The following PCDH7 variants were observed in gnomAD, a reference collection of about 807,000 sequenced individuals.
PCDH7 encodes protocadherin-7.
PCDH7 carries 17 observed loss-of-function variants against 58.9 expected under a neutral mutation model. The ratio of observed to expected loss-of-function variants is 0.29; its 90% CI spans 0.20 to 0.43. The LOEUF (loss-of-function observed/expected upper bound fraction) is 0.43. Among genes scored for constraint, PCDH7 ranks in the 20% least tolerant of loss-of-function variants. The pLI, the probability that PCDH7 is intolerant of heterozygous loss-of-function variation, is 1.00. For synonymous variants in PCDH7, 664 were observed against 616.4 expected (o/e 1.08, Z -1.14); for missense variants, 1,274 against 1,441.0 (o/e 0.88, Z 1.88).
chr4:30,905,358 A>G (rs1005617214), intron 1 of PCDH7, among the ~76,000 whole-genome samples: 1 of 151,854 alleles, frequency 6.6e-6, no homozygotes, highest in Non-Finnish European at 1.5e-5. Flanking sequence ...AGGTTTATCG[A>G]CCTCATTCAG....
At position 31,066,979 on chromosome 4, in the gene PCDH7, A is replaced by C. The variant is rs565245494; in HGVS notation, c.*8-75494A>C. 2.6e-5 allele frequency among the ~76,000 whole-genome samples: 4 copies of C among 152,122 alleles called. No individual in the cohort carries two copies. In the South Asian group the frequency reaches 6.2e-4, roughly 24 times the overall value. On this transcript the variant is annotated intron_variant, in intron 3 of 3. Coordinates refer to the PCDH7 transcript ENST00000509759. The stretch of plus-strand genomic sequence containing the variant: ...TCCCCAGGGATAGTGGATGTACCTG[A>C]GAACCAGTTACTGATCATGATAGAG...
intron 3 of PCDH7, among the ~76,000 whole-genome samples, chr4:31,043,965 G>A (rs1756088038): frequency 1.3e-5 from 2 of 152,086 alleles, no homozygotes; most frequent in South Asian, 2.1e-4. Context: ...AGAAAATGGA[G>A]CTGGCTGGAA....
At chr4:31,072,662 T>C (rs1258728677) in intron 3 of PCDH7, among the ~76,000 whole-genome samples, 1 of 152,094 alleles carries the variant, frequency 6.6e-6, no homozygotes, top group Non-Finnish European at 1.5e-5. Context: ...CCGAGAACGT[T>C]TCACAGAGTT....
Position 31,013,577 on chromosome 4 carries a change from C to CAT in PCDH7, c.*7+63371_*7+63372dup, listed in dbSNP as rs902508835. Among the ~76,000 whole-genome samples, 76 of 133,830 alleles carry CAT rather than the reference C, an allele frequency of 5.7e-4. 1 individual carries two copies. Among genetic ancestry groups the CAT allele is most frequent in the African/African-American group, 2.3e-3 (75 of 32,864 alleles). The allele number at this position is 133,830 out of a possible 152,430, so 87.8% of individuals were successfully genotyped here. ...TCCTTTCCCAGAGAAAGAGTATGTC[C>CAT]ATATATATATTTTATACACACACAC... On this transcript the variant is annotated intron_variant, in intron 3 of 3. Coordinates refer to the PCDH7 transcript ENST00000509759.
intron 1 of PCDH7, among the ~76,000 whole-genome samples, chr4:30,907,636 T>C (rs191719359): frequency 1.3e-5 from 2 of 152,166 alleles, no homozygotes; most frequent in African/African-American, 2.4e-5. Context: ...ATAGGAATGC[T>C]TTTACACTGT....
intron 3 of PCDH7, among the ~76,000 whole-genome samples, chr4:30,952,231 A>G (rs1305125196): frequency 6.6e-6 from 1 of 152,144 alleles, no homozygotes; most frequent in Non-Finnish European, 1.5e-5. Flanking sequence ...ATCCTGTAAC[A>G]TTTATCAAAT....
chr4:31,091,060 G>T (rs1713182764), intron 3 of PCDH7, among the ~76,000 whole-genome samples: 1 of 151,872 alleles, frequency 6.6e-6, no homozygotes, highest in Non-Finnish European at 1.5e-5. Context: ...TTCATTTCTA[G>T]CCCAGTTCAT....
At chr4:30,898,631 C>A (rs1031993487) in intron 1 of PCDH7, among the ~76,000 whole-genome samples, 1 of 152,130 alleles carries the variant, frequency 6.6e-6, no homozygotes, top group African/African-American at 2.4e-5. Flanking sequence ...TGCTCTGTCG[C>A]CCAGGCTGGA....
At chr4:30,829,605 T>A (rs1329279054) in intron 1 of PCDH7, among the ~76,000 whole-genome samples, 1 of 152,078 alleles carries the variant, frequency 6.6e-6, no homozygotes, top group African/African-American at 2.4e-5. Flanking sequence ...GAAGCAATTG[T>A]CAGTGGTAGC....
At chr4:30,741,919 C>T (rs1577616243) in intron 1 of PCDH7, among the ~76,000 whole-genome samples, 1 of 152,190 alleles carries the variant, frequency 6.6e-6, no homozygotes, top group Non-Finnish European at 1.5e-5. Flanking sequence ...ATTGAGGATG[C>T]AGCGTGTTTT....
chr4:30,818,669 A>G (rs939712833), intron 1 of PCDH7, among the ~76,000 whole-genome samples: 15 of 152,302 alleles, frequency 9.8e-5, no homozygotes, highest in African/African-American at 3.4e-4. Flanking sequence ...TGGAACACCA[A>G]TTTCCCAAGG....
exon 2 of PCDH7, chr4:30,730,820 C>T: frequency 3.8e-6 from 6 of 1,595,294 alleles, no homozygotes; most frequent in Middle Eastern, 3.4e-4. Flanking sequence ...CCATTATGCA[C>T]CATACTGTGA....
chr4:31,001,182 G>T (rs1752335909), intron 3 of PCDH7, among the ~76,000 whole-genome samples: 1 of 151,872 alleles, frequency 6.6e-6, no homozygotes, highest in Non-Finnish European at 1.5e-5. Context: ...AATAGTCCAT[G>T]GCTTGACTCA....
intron 3 of PCDH7, among the ~76,000 whole-genome samples, chr4:30,995,339 T>C (rs1407980028): frequency 1.3e-5 from 2 of 151,978 alleles, no homozygotes; most frequent in Non-Finnish European, 2.9e-5. Context: ...GGTGAAACCC[T>C]GTCTCTACTA....
intron 3 of PCDH7, among the ~76,000 whole-genome samples, chr4:30,968,045 G>C (rs1749148441): frequency 6.6e-6 from 1 of 151,826 alleles, no homozygotes; most frequent in Non-Finnish European, 1.5e-5. Context: ...TTAAAGAATA[G>C]ATGTAGTTCC....
At chr4:30,848,371 A>C in intron 1 of PCDH7, among the ~76,000 whole-genome samples, 1 of 152,166 alleles carries the variant, frequency 6.6e-6, no homozygotes, top group East Asian at 1.9e-4. Flanking sequence ...CTGCAAAATT[A>C]TAATTTTAAT....
chr4:30,894,504 TATATATATATATACACACAC>T (rs1578199351), intron 1 of PCDH7, among the ~76,000 whole-genome samples: 1 of 47,642 alleles, frequency 2.1e-5, no homozygotes, highest in Non-Finnish European at 3.5e-5. Flanking sequence ...TATATATATA[TATATATATATATACACACAC>T]ACACACACAC....
intron 1 of PCDH7, among the ~76,000 whole-genome samples, chr4:30,739,811 G>GGTCT (rs546043371): frequency 2.9e-4 from 44 of 152,240 alleles, no homozygotes; most frequent in African/African-American, 1.1e-3. Flanking sequence ...TTATGCTTAA[G>GGTCT]GTCTATTCCA....
chr4:30,834,188 C>A (rs1730171190), intron 1 of PCDH7, among the ~76,000 whole-genome samples: 1 of 152,160 alleles, frequency 6.6e-6, no homozygotes, highest in African/African-American at 2.4e-5. Context: ...ACTTCTAGGG[C>A]ACTGGCCTAG....
Sources: allele counts gnomAD v4.1 joint callset (sites outside exome capture counted in the v4.1 genomes callset), GRCh38; gene constraint gnomAD v4.1.1; transcripts MANE v1.5; gene names NCBI Gene and HGNC (gene_info 2026-07-23, HGNC 2026-07-21).